HPSE2: variants seen among roughly 807,000 people sequenced by gnomAD.
HPSE2 encodes inactive heparanase-2.
In HPSE2, 38 loss-of-function variants were observed where a neutral mutation model predicts 60.5. That is an observed-to-expected ratio of 0.63 (90% CI 0.48 to 0.82). The LOEUF (loss-of-function observed/expected upper bound fraction) is 0.82, where lower values mean the gene tolerates loss of function less well. Ranked by LOEUF, HPSE2 falls within the 40% of genes least tolerant of loss-of-function variation. The pLI, the probability that HPSE2 is intolerant of heterozygous loss-of-function variation, is 0.00. For missense variants in HPSE2, 713 were observed against 740.4 expected (o/e 0.96, Z 0.43); for synonymous variants, 295 against 293.2 (o/e 1.01, Z -0.06).
In HPSE2 at chr10:98,774,783, C is replaced by G. The variant is rs1302740502; in HGVS notation, c.611-30727G>C. Among the ~76,000 whole-genome samples the G allele has an allele frequency of 3.9e-5, 6 of 152,170 alleles. 1 individual carries two copies. Among genetic ancestry groups the G allele is most frequent in the Non-Finnish European group, 7.3e-5 (5 of 68,028 alleles). On this transcript the variant is annotated intron_variant, in intron 3 of 11. Coordinates refer to ENST00000370552, the MANE Select transcript of HPSE2 (RefSeq NM_021828.5). ...CCCCACTGGGCTCAGTGTTTCCTTT[C>G]CCTGCAAGAAGTACCTAGGCTTTTC...
At chr10:99,099,442 G>C (rs2135631967) in intron 3 of HPSE2, among the ~76,000 whole-genome samples, 1 of 152,362 alleles carries the variant, frequency 6.6e-6, no homozygotes, top group Non-Finnish European at 1.5e-5. Context: ...GCGAGGCTGG[G>C]GGAGGGGTGA....
chr10:98,467,664 G>C (rs6584207), intron 11 of HPSE2, among the ~76,000 whole-genome samples: 101,845 of 152,000 alleles, frequency 0.67, 34,490 homozygotes, highest in African/African-American at 0.75. Flanking sequence ...TCTGACTTCG[G>C]GGTGGCACCC....
chr10:99,225,982 T>C (rs1384396101), intron 2 of HPSE2, among the ~76,000 whole-genome samples: 1 of 152,114 alleles, frequency 6.6e-6, no homozygotes, highest in Non-Finnish European at 1.5e-5. Context: ...TAATTTCTAA[T>C]GTACTTTATT....
At chr10:98,547,832 AACACAC>A (rs61422513) in intron 9 of HPSE2, among the ~76,000 whole-genome samples, 7 of 148,342 alleles carry the variant, frequency 4.7e-5, no homozygotes, top group East Asian at 3.9e-4. Flanking sequence ...ATAGAACACA[AACACAC>A]ACACACACAC....
chr10:98,993,890 G>A (rs2135350203), intron 3 of HPSE2, among the ~76,000 whole-genome samples: 1 of 152,282 alleles, frequency 6.6e-6, no homozygotes, highest in East Asian at 1.9e-4. Flanking sequence ...CTAGATAGAA[G>A]GGCACCAGTT....
chr10:98,617,296 A>T (rs1176710106), intron 8 of HPSE2, among the ~76,000 whole-genome samples: 1 of 152,220 alleles, frequency 6.6e-6, no homozygotes, highest in East Asian at 1.9e-4. Flanking sequence ...AGAAGATATT[A>T]AAAAACGCTT....
intron 6 of HPSE2, among the ~76,000 whole-genome samples, chr10:98,678,931 AAAAC>A (rs1041212571): frequency 1.2e-4 from 18 of 152,134 alleles, no homozygotes; most frequent in African/African-American, 3.9e-4. Context: ...TAACAGAACC[AAAAC>A]AAACAAACAA....
intron 9 of HPSE2, among the ~76,000 whole-genome samples, chr10:98,563,636 T>C (rs1420996516): frequency 6.6e-6 from 1 of 152,162 alleles, no homozygotes; most frequent in East Asian, 1.9e-4. Flanking sequence ...TAAAAAAATA[T>C]ACAAAGAAGA....
chr10:98,502,949 C>T (rs566321449), intron 9 of HPSE2, among the ~76,000 whole-genome samples: 1 of 152,138 alleles, frequency 6.6e-6, no homozygotes, highest in Non-Finnish European at 1.5e-5. Context: ...CAGTGGCTCA[C>T]GCCTGTAATC....
chr10:98,882,392 AT>A (rs952231968), intron 3 of HPSE2, among the ~76,000 whole-genome samples: 30 of 150,652 alleles, frequency 2.0e-4, no homozygotes, highest in South Asian at 4.2e-4. Flanking sequence ...TTACAACAAT[AT>A]TTTTTTTTTC....
At chr10:98,714,456 A>G (rs1948745807) in intron 5 of HPSE2, among the ~76,000 whole-genome samples, 1 of 151,902 alleles carries the variant, frequency 6.6e-6, no homozygotes, top group African/African-American at 2.4e-5. Context: ...GAACCATACA[A>G]TGTATGGCCT....
chr10:98,511,335 A>G (rs570459372), intron 9 of HPSE2, among the ~76,000 whole-genome samples: 4 of 152,116 alleles, frequency 2.6e-5, no homozygotes, highest in Non-Finnish European at 5.9e-5. Flanking sequence ...TATTTTTAGT[A>G]GAGACAGGGT....
chr10:98,768,108 G>T (rs1377567388), intron 3 of HPSE2, among the ~76,000 whole-genome samples: 1 of 151,928 alleles, frequency 6.6e-6, no homozygotes, highest in African/African-American at 2.4e-5. Context: ...ACTCAGGCAG[G>T]TTTAAATTAT....
intron 9 of HPSE2, among the ~76,000 whole-genome samples, chr10:98,583,992 ATG>A (rs1277945841): frequency 1.3e-5 from 2 of 152,196 alleles, no homozygotes; most frequent in East Asian, 3.9e-4. Context: ...TTGTGTGGAC[ATG>A]TGTTTTTAAT....
chr10:99,047,761 G>C, intron 3 of HPSE2: 2 of 837,602 alleles, frequency 2.4e-6, no homozygotes, highest in East Asian at 4.8e-5. Context: ...CCCAAAGGAT[G>C]CTTCAAAAGG....
chr10:99,147,812 T>C (rs1474026066), intron 2 of HPSE2, among the ~76,000 whole-genome samples: 1 of 152,132 alleles, frequency 6.6e-6, no homozygotes, highest in Non-Finnish European at 1.5e-5. Context: ...CACATGGTAA[T>C]ATATCTGGAG....
At chr10:98,964,919 T>C (rs1017463799) in intron 3 of HPSE2, among the ~76,000 whole-genome samples, 2 of 152,200 alleles carry the variant, frequency 1.3e-5, no homozygotes, top group Admixed American at 6.5e-5. Context: ...TTTCCCTCTC[T>C]TATCCATAAC....
chr10:99,106,222 G>T (rs1260087940), intron 3 of HPSE2, among the ~76,000 whole-genome samples: 1 of 150,344 alleles, frequency 6.7e-6, no homozygotes, highest in Non-Finnish European at 1.5e-5. Flanking sequence ...TAACAATATT[G>T]AGTTCTCCAA....
the HPSE2 span, among the ~76,000 whole-genome samples, chr10:99,304,406 T>C: frequency 6.6e-6 from 1 of 152,254 alleles, no homozygotes; most frequent in East Asian, 1.9e-4. Flanking sequence ...GCCTACAGGA[T>C]AGCCCTGCTC....
Sources: allele counts gnomAD v4.1 joint callset (sites outside exome capture counted in the v4.1 genomes callset), GRCh38; gene constraint gnomAD v4.1.1; transcripts MANE v1.5; gene names NCBI Gene and HGNC (gene_info 2026-07-23, HGNC 2026-07-21).